Variants in ANO7 observed in about 807,000 individuals in gnomAD.
ANO7 encodes anoctamin-7.
Under a neutral mutation model 115.8 loss-of-function variants are expected in ANO7, and 114 were observed. The observed-to-expected ratio is 0.98, with a 90% CI of 0.85 to 1.15. ANO7 has a LOEUF of 1.15. Among genes scored for constraint, ANO7 ranks in the 50% most tolerant of loss-of-function variants. The pLI, the probability that ANO7 is intolerant of heterozygous loss-of-function variation, is 0.00. For missense variants in ANO7, 1,302 were observed against 1,201.2 expected (o/e 1.08, Z -1.24); for synonymous variants, 550 against 498.2 (o/e 1.10, Z -1.38).
chr2:241,217,472 G>C (rs1036959017), intron 19 of ANO7: 2 of 575,754 alleles, frequency 3.5e-6, no homozygotes, highest in Admixed American at 3.2e-5. Flanking sequence ...CCAGAAGCAC[G>C]GAGCGCAGGG....
intron 19 of ANO7, among the ~76,000 whole-genome samples, chr2:241,217,018 A>G (rs1379898617): frequency 6.6e-6 from 1 of 152,114 alleles, no homozygotes; most frequent in Non-Finnish European, 1.5e-5. Flanking sequence ...TTTTTAGTAG[A>G]GGCGGAGTTT....
At chr2:241,227,646 A>G (rs1320927569), downstream of ANO7, 2 of 152,700 alleles carry the variant, frequency 1.3e-5, no homozygotes, top group Non-Finnish European at 2.9e-5. Flanking sequence ...AGAGATGTGC[A>G]AAACTTGGTG....
downstream of ANO7, chr2:241,229,747 C>T (rs73013893): frequency 0.042 from 68,262 of 1,609,080 alleles, 1,667 homozygotes; most frequent in South Asian, 0.053. Flanking sequence ...AAGCAGCTTC[C>T]GACGCAGTTG....
chr2:241,229,010 A>T (rs1438673965), downstream of ANO7: 2 of 154,084 alleles, frequency 1.3e-5, no homozygotes, highest in African/African-American at 4.8e-5. Flanking sequence ...ACTGCCTGAG[A>T]ACCCGTCACC....
intron 21 of ANO7, among the ~76,000 whole-genome samples, chr2:241,221,936 T>G (rs933825606): frequency 5.9e-5 from 9 of 152,284 alleles, no homozygotes; most frequent in Non-Finnish European, 1.3e-4. Flanking sequence ...TGTCTCAGCC[T>G]TCTAAAGCAC....
At chr2:241,200,636 C>G (rs2068449620) in intron 6 of ANO7, among the ~76,000 whole-genome samples, 1 of 152,250 alleles carries the variant, frequency 6.6e-6, no homozygotes, top group Admixed American at 6.5e-5. Flanking sequence ...CTGGAAACGA[C>G]ACGTGTGTCG....
intron 17 of ANO7, among the ~76,000 whole-genome samples, chr2:241,213,886 C>A (rs983678638): frequency 6.6e-5 from 10 of 152,224 alleles, no homozygotes; most frequent in African/African-American, 2.4e-4. Context: ...AAAGGGAAGG[C>A]TGGGGATGGA....
chr2:241,218,429 G>T, intron 21 of ANO7, 48 bp downstream of exon 21: 1 of 1,267,388 alleles, frequency 7.9e-7, no homozygotes, highest in Non-Finnish European at 1.0e-6. Context: ...CGAGGACGAG[G>T]CGGAGCGGGG....
chr2:241,203,467 G>A lies in ANO7; in HGVS notation c.858G>A (p.Gly286=). ...QPLDHVRRYF[G]EKVALYFAWL... ...TGGACCACGTGCGCAGGTACTTCGG[G>A]GAGAAGGTGGCCCTCTACTTCGCCT... Residue 286 remains glycine, a synonymous_variant, in exon 9 of 25, where the codon GGG becomes GGA. Transcript: ENST00000674324. This position sits in a 1 kb window ranked among gnomAD's most constrained non-coding sequence, Gnocchi z 4.8. 1 of 1,561,034 alleles carries A rather than the reference G, an allele frequency of 6.4e-7. No individual in the cohort carries two copies. Among genetic ancestry groups the A allele is most frequent in the Non-Finnish European group, 8.7e-7 (1 of 1,154,572 alleles).
rs537442522 is a variant in ANO7, at chr2:241,194,090, G to C, written c.167-1613G>C. Among the ~76,000 whole-genome samples the C allele has an allele frequency of 6.6e-4, 101 of 151,882 alleles. 1 individual carries two copies. Among genetic ancestry groups the C allele is most frequent in the African/African-American group, 2.3e-3 (94 of 41,418 alleles). ...GGGTTTCGCCATGTTGGCCAGGCTG[G>C]TCTCGAACTCCTGACTTCAAGTGAT... On this transcript the variant is annotated intron_variant, in intron 3 of 24. Coordinates refer to ENST00000674324, the MANE Select transcript of ANO7 (RefSeq NM_001370694.2).
intron 16 of ANO7, 95 bp downstream of exon 16, chr2:241,212,300 C>G: frequency 7.8e-7 from 1 of 1,276,478 alleles, no homozygotes; most frequent in Non-Finnish European, 1.1e-6. Context: ...TCCAGCCGTG[C>G]TCAGGCAGGT....
At chr2:241,204,499 C>T (rs1175824481) in intron 9 of ANO7, among the ~76,000 whole-genome samples, 1 of 152,092 alleles carries the variant, frequency 6.6e-6, no homozygotes, top group Non-Finnish European at 1.5e-5. Flanking sequence ...ACGGGTGGGC[C>T]CACAGCTCTG....
At chr2:241,236,815 A>G in the ANO7 span, 5 of 1,594,438 alleles carry the variant, frequency 3.1e-6, no homozygotes, top group Non-Finnish European at 3.4e-6. Flanking sequence ...GCTGGAAGAG[A>G]CCCCACACCT....
rs1422877630 is a variant in ANO7 at position 241,224,340 on chromosome 2, TC to T, written c.*191del. The T allele has an allele frequency of 4.7e-6, 3 of 641,598 alleles. No individual in the cohort carries two copies. The highest frequency in any genetic ancestry group is 5.9e-5 in the Admixed American group (2 of 34,008). 39.7% of individuals were successfully genotyped at this position (641,598 alleles called of 1,614,324 possible). A position where few individuals can be genotyped will look rare whatever the true frequency, so the allele number is the denominator to read the frequency against. On this transcript the variant is annotated 3_prime_UTR_variant, in exon 25 of 25. Coordinates refer to ENST00000674324, the MANE Select transcript of ANO7 (RefSeq NM_001370694.2). Reference sequence around the variant, plus strand: ...TCTCCTCAGAGCGCCTGTCACTCCATCCCCGGCAGGGAGGGACCGTCAGCTC... The same window carrying T: ...TCTCCTCAGAGCGCCTGTCACTCCATCCCGGCAGGGAGGGACCGTCAGCTC...
chr2:241,210,515 C>T lies in ANO7; in HGVS notation c.1506C>T (p.Phe502=). The T allele has an allele frequency of 6.2e-7, 1 of 1,614,080 alleles. No homozygotes were observed. The highest frequency in any genetic ancestry group is 8.5e-7 in the Non-Finnish European group (1 of 1,180,004). Residue 502 remains phenylalanine, a synonymous_variant, in exon 15 of 25, where the codon TTC becomes TTT. Transcript: ENST00000674324. ...SLTGSVVNLV[F]ILILSKIYVS... Reference sequence around the variant, plus strand: ...CGGGGTCTGTAGTGAACCTCGTCTTCATCCTCATCCTCTCCAAGATCTATG... The same window carrying T: ...CGGGGTCTGTAGTGAACCTCGTCTTTATCCTCATCCTCTCCAAGATCTATG...
downstream of ANO7, chr2:241,227,424 G>A (rs150128377): frequency 5.2e-5 from 8 of 152,706 alleles, no homozygotes; most frequent in East Asian, 1.2e-3. Flanking sequence ...TATGGAAACA[G>A]ATGATATGGA....
chr2:241,218,166 G>T, intron 20 of ANO7, 73 bp from the exon 21 acceptor site: 1 of 909,018 alleles, frequency 1.1e-6, no homozygotes, highest in Admixed American at 6.6e-5. Flanking sequence ...GGCAGCGGGG[G>T]CGCGCAGGGG....
At chr2:241,239,999 C>G in the ANO7 span, 2 of 1,614,084 alleles carry the variant, frequency 1.2e-6, no homozygotes, top group Non-Finnish European at 1.7e-6. This position sits in a 1 kb window ranked among gnomAD's most constrained non-coding sequence, Gnocchi z 4.6. Context: ...TCCTCAGCCG[C>G]AGGGAAGATG....
At chr2:241,236,771 T>G in the ANO7 span, 1 of 1,613,484 alleles carries the variant, frequency 6.2e-7, no homozygotes, top group Non-Finnish European at 8.5e-7. Context: ...TACTGTGAAC[T>G]AGAGAGAAAG....
Sources: gnomAD v4.1 joint callset for allele counts (sites outside exome capture counted in the v4.1 genomes callset) on GRCh38, gnomAD v4.1.1 for gene constraint, Gnocchi (gnomAD v3.1) non-coding constraint, MANE v1.5 for transcripts, NCBI Gene and HGNC (gene_info 2026-07-23, HGNC 2026-07-21) for gene names.